Variants in LINGO2 observed in about 807,000 individuals in gnomAD.
LINGO2 encodes leucine-rich repeat and immunoglobulin-like domain-containing nogo receptor-interacting protein 2.
Under a neutral mutation model 30.6 loss-of-function variants are expected in LINGO2, and 14 were observed. The ratio of observed to expected loss-of-function variants is 0.46; its 90% confidence interval spans 0.30 to 0.72. The LOEUF (loss-of-function observed/expected upper bound fraction) is 0.72, where lower values mean the gene tolerates loss of function less well. Among genes scored for constraint, LINGO2 ranks in the 30% least tolerant of loss-of-function variants. The probability of loss-of-function intolerance (pLI) is 0.07; values close to 1 mark genes in which losing one functional copy is unlikely to be tolerated. For synonymous variants in LINGO2, 317 were observed against 288.5 expected (o/e 1.10, Z -1.00); for missense variants, 729 against 751.7 (o/e 0.97, Z 0.35).
chr9:28,623,424 C>T (rs1444047731), intron 1 of LINGO2, among the ~76,000 whole-genome samples: 1 of 151,958 alleles, frequency 6.6e-6, no homozygotes, highest in Non-Finnish European at 1.5e-5. Context: ...ATCCAGTTTT[C>T]CAATCATCAT....
At chr9:28,925,992 A>G in the LINGO2 span, among the ~76,000 whole-genome samples, 1 of 152,262 alleles carries the variant, frequency 6.6e-6, no homozygotes, top group East Asian at 1.9e-4. Context: ...TGCAGTGTCC[A>G]ACCTTTGATC....
At chr9:28,355,642 C>G (rs1049384150) in intron 3 of LINGO2, among the ~76,000 whole-genome samples, 2 of 152,074 alleles carry the variant, frequency 1.3e-5, no homozygotes, top group East Asian at 1.9e-4. Context: ...AGAGATTTCT[C>G]TGTACTTCTC....
intron 1 of LINGO2, among the ~76,000 whole-genome samples, chr9:28,538,141 C>T (rs1363131588): frequency 6.6e-6 from 1 of 151,876 alleles, no homozygotes. Context: ...GCATTATACT[C>T]ACAGATTTCA....
the LINGO2 span, among the ~76,000 whole-genome samples, chr9:28,791,888 G>C: frequency 6.6e-6 from 1 of 151,500 alleles, no homozygotes; most frequent in African/African-American, 2.4e-5. Context: ...ATCTGAATGA[G>C]TGACACTGGA....
chr9:28,698,265 C>T, the LINGO2 span, among the ~76,000 whole-genome samples: 2 of 152,100 alleles, frequency 1.3e-5, no homozygotes, highest in South Asian at 2.1e-4. Context: ...AGTATAGATA[C>T]ATTTATAATA....
the LINGO2 span, among the ~76,000 whole-genome samples, chr9:28,687,467 C>G: frequency 6.6e-6 from 1 of 152,092 alleles, no homozygotes; most frequent in Admixed American, 6.6e-5. Flanking sequence ...TTATGAGAAA[C>G]AGAGGCTTAC....
At chr9:28,582,430 C>T (rs528769147) in intron 1 of LINGO2, among the ~76,000 whole-genome samples, 2 of 152,158 alleles carry the variant, frequency 1.3e-5, no homozygotes, top group Non-Finnish European at 2.9e-5. Context: ...ACAATGGCAT[C>T]ACTCCAGTAA....
At chr9:28,906,430 T>C in the LINGO2 span, among the ~76,000 whole-genome samples, 1 of 151,676 alleles carries the variant, frequency 6.6e-6, no homozygotes, top group Non-Finnish European at 1.5e-5. Context: ...ATTTATAAAT[T>C]AAAAATAATT....
At chr9:28,382,415 G>C (rs1247216286) in intron 2 of LINGO2, among the ~76,000 whole-genome samples, 1 of 152,068 alleles carries the variant, frequency 6.6e-6, no homozygotes, top group Non-Finnish European at 1.5e-5. Context: ...AATGATTTTA[G>C]TTAAATACCT....
At chr9:28,122,030 A>T (rs201721336) in intron 4 of LINGO2, among the ~76,000 whole-genome samples, 1 of 108,386 alleles carries the variant, frequency 9.2e-6, no homozygotes, top group Non-Finnish European at 2.1e-5. Flanking sequence ...ATTGACTTAC[A>T]TGGAAAAATC....
At chr9:28,531,825 A>AT (rs910656866) in intron 1 of LINGO2, among the ~76,000 whole-genome samples, 7 of 152,134 alleles carry the variant, frequency 4.6e-5, no homozygotes, top group Non-Finnish European at 1.0e-4. Flanking sequence ...GAAAAAAAAA[A>AT]GCTTTTGTGT....
At chr9:28,649,973 GCCTTACCC>G (rs1221343361) in intron 1 of LINGO2, among the ~76,000 whole-genome samples, 9 of 151,762 alleles carry the variant, frequency 5.9e-5, no homozygotes, top group Non-Finnish European at 1.3e-4. Flanking sequence ...CCTAGGATGA[GCCTTACCC>G]AGTGGAAGAG....
At chr9:28,958,012 G>C in the LINGO2 span, among the ~76,000 whole-genome samples, 2 of 152,248 alleles carry the variant, frequency 1.3e-5, no homozygotes, top group African/African-American at 4.8e-5. Flanking sequence ...AAGTCACACT[G>C]CTTTTAATGG....
intron 4 of LINGO2, among the ~76,000 whole-genome samples, chr9:28,058,601 A>T (rs1470894556): frequency 6.6e-6 from 1 of 152,208 alleles, no homozygotes; most frequent in African/African-American, 2.4e-5. Context: ...AGCAAAATGT[A>T]AGTTATACAA....
chr9:28,817,318 T>C, the LINGO2 span, among the ~76,000 whole-genome samples: 2 of 152,214 alleles, frequency 1.3e-5, no homozygotes, highest in African/African-American at 2.4e-5. Flanking sequence ...AAAGCTATCT[T>C]AACTAAGTTA....
At chr9:28,028,408 C>G (rs1430973903) in intron 4 of LINGO2, among the ~76,000 whole-genome samples, 3 of 152,110 alleles carry the variant, frequency 2.0e-5, no homozygotes, top group Non-Finnish European at 4.4e-5. Context: ...TAGGATATTA[C>G]GGACATCTAC....
chr9:28,787,528 C>T, the LINGO2 span, among the ~76,000 whole-genome samples: 1 of 152,104 alleles, frequency 6.6e-6, no homozygotes, highest in Non-Finnish European at 1.5e-5. Context: ...TTCCCTGTCA[C>T]AAATATTTAT....
intron 2 of LINGO2, among the ~76,000 whole-genome samples, chr9:28,456,135 A>G (rs1824838130): frequency 1.3e-5 from 2 of 152,198 alleles, no homozygotes; most frequent in South Asian, 4.1e-4. Flanking sequence ...GTGTTTTATA[A>G]GCCATATGCT....
At chr9:28,530,684 C>T (rs912225581) in intron 1 of LINGO2, among the ~76,000 whole-genome samples, 12 of 151,988 alleles carry the variant, frequency 7.9e-5, no homozygotes, top group African/African-American at 2.9e-4. Flanking sequence ...AAATAAAAAT[C>T]AATAACATAT....
Sources: allele counts gnomAD v4.1 joint callset (sites outside exome capture counted in the v4.1 genomes callset), GRCh38; gene constraint gnomAD v4.1.1; transcripts MANE v1.5; gene names NCBI Gene and HGNC (gene_info 2026-07-23, HGNC 2026-07-21).